Variants in SPIDR observed in about 807,000 individuals in gnomAD.
SPIDR encodes scaffold protein involved in DNA repair.
SPIDR carries 93 observed loss-of-function variants against 104.6 expected under a neutral mutation model. That is an observed-to-expected ratio of 0.89 (90% CI 0.75 to 1.06). The LOEUF (loss-of-function observed/expected upper bound fraction) is 1.06. Among genes scored for constraint, SPIDR ranks in the 50% least tolerant of loss-of-function variants. The pLI is 0.00. For synonymous variants in SPIDR, 431 were observed against 416.9 expected, an observed-to-expected ratio of 1.03 and a Z score of -0.41; for missense variants, 1,154 against 1,111.2, an observed-to-expected ratio of 1.04 and a Z score of -0.55.
chr8:47,565,994 T>TATATATATATATA (rs1358462620), intron 8 of SPIDR, among the ~76,000 whole-genome samples: 2 of 25,944 alleles, frequency 7.7e-5, no homozygotes, highest in Non-Finnish European at 1.8e-4. Flanking sequence ...ATATATATAT[T>TATATATATATATA]TTTTTTTTTT....
intron 5 of SPIDR, among the ~76,000 whole-genome samples, chr8:47,339,110 G>T (rs529388662): frequency 6.6e-6 from 1 of 152,084 alleles, no homozygotes; most frequent in African/African-American, 2.4e-5. Context: ...TAACATTTCC[G>T]TTTTAAATAT....
At chr8:47,310,471 C>G in intron 5 of SPIDR, among the ~76,000 whole-genome samples, 1 of 151,432 alleles carries the variant, frequency 6.6e-6, no homozygotes, top group East Asian at 1.9e-4. Flanking sequence ...ATAACAATGA[C>G]AACTTTTGGA....
intron 1 of SPIDR, among the ~76,000 whole-genome samples, chr8:47,268,965 G>A (rs1420502043): frequency 6.6e-6 from 1 of 151,934 alleles, no homozygotes; most frequent in East Asian, 1.9e-4. Flanking sequence ...CTAGGAGTTC[G>A]AGACCAGCCT....
At chr8:47,379,098 A>G (rs1395894670) in intron 5 of SPIDR, among the ~76,000 whole-genome samples, 3 of 152,056 alleles carry the variant, frequency 2.0e-5, no homozygotes, top group Non-Finnish European at 2.9e-5. Flanking sequence ...GCACCCTAGG[A>G]GTGGGGCCAG....
Position 47,511,828 on chromosome 8 carries a change from A to G in SPIDR, c.1097+71286A>G, listed in dbSNP as rs1216495571. 2.4e-5 allele frequency: 22 copies of G among 915,182 alleles called. No individual in the cohort carries two copies. In the East Asian group the frequency reaches 4.3e-4, roughly 18 times the overall value. 56.7% of individuals were successfully genotyped at this position (915,182 alleles called of 1,614,324 possible). On this transcript the variant is annotated intron_variant, in intron 8 of 19. Transcript: ENST00000297423. ...ACTTTTCTTTCTGGGAGGGCCAACA[A>G]TCTGCTGTCCACTTCTCTCTGAGGC...
chr8:47,602,448 G>C (rs754036195), intron 10 of SPIDR, among the ~76,000 whole-genome samples: 3 of 152,192 alleles, frequency 2.0e-5, no homozygotes, highest in Non-Finnish European at 2.9e-5. Context: ...CTTGATTACT[G>C]TGTGTTTTCT....
chr8:47,557,806 CTTTAA>C lies in SPIDR; in HGVS notation c.1098-38000_1098-37996del, dbSNP rs548883849. Among the ~76,000 whole-genome samples the C allele has an allele frequency of 2.2e-3, 330 of 152,126 alleles. 2 individuals are homozygous for C. Among genetic ancestry groups the C allele is most frequent in the African/African-American group, 7.6e-3 (314 of 41,480 alleles). On this transcript the variant is annotated intron_variant, in intron 8 of 19. Coordinates refer to ENST00000297423, the MANE Select transcript of SPIDR (RefSeq NM_001080394.4). The stretch of plus-strand genomic sequence containing the variant: ...GAGATACGCACAAGACTTTTGTGCT[CTTTAA>C]TTTATTTAAGGAAGACAGTTTTCTA...
chr8:47,362,980 C>A (rs781834238), intron 5 of SPIDR, among the ~76,000 whole-genome samples: 2 of 151,532 alleles, frequency 1.3e-5, no homozygotes, highest in Non-Finnish European at 2.9e-5. Flanking sequence ...CCAACATCGC[C>A]CATTAGACAA....
chr8:47,309,632 C>G (rs1247575903), intron 5 of SPIDR, among the ~76,000 whole-genome samples: 1 of 152,190 alleles, frequency 6.6e-6, no homozygotes, highest in Non-Finnish European at 1.5e-5. Context: ...CTTCATTCCC[C>G]TCTTTCTTCT....
intron 5 of SPIDR, among the ~76,000 whole-genome samples, chr8:47,346,939 G>A (rs1405365792): frequency 6.6e-6 from 1 of 151,854 alleles, no homozygotes; most frequent in Non-Finnish European, 1.5e-5. Flanking sequence ...GGGTTTTTTT[G>A]TGTCTCTGTC....
rs530068900 is a variant in SPIDR at position 47,430,521 on chromosome 8, T to C, written c.878-9802T>C. ...GCGCTGGACTCTGTCAGTTCATTAG[T>C]AAGCATATTTTCAACTCTCTGTGCT... On this transcript the variant is annotated intron_variant, in intron 7 of 19. Transcript: ENST00000297423. 1.2e-4 allele frequency among the ~76,000 whole-genome samples: 18 copies of C among 152,312 alleles called. No homozygotes were observed. The East Asian group carries it at 3.5e-3, about 29-fold the overall frequency.
chr8:47,446,401 ATT>A (rs2070619683), intron 8 of SPIDR, among the ~76,000 whole-genome samples: 1 of 152,094 alleles, frequency 6.6e-6, no homozygotes, highest in Non-Finnish European at 1.5e-5. Context: ...GAGAAAAAAA[ATT>A]TTCTTTTAAA....
At chr8:47,371,632 G>A (rs1323419310) in intron 5 of SPIDR, among the ~76,000 whole-genome samples, 2 of 152,126 alleles carry the variant, frequency 1.3e-5, no homozygotes, top group African/African-American at 4.8e-5. Context: ...TTTTGGATTA[G>A]ATTTCAACAT....
At chr8:47,380,097 C>T (rs1393179377) in intron 5 of SPIDR, among the ~76,000 whole-genome samples, 1 of 152,170 alleles carries the variant, frequency 6.6e-6, no homozygotes, top group African/African-American at 2.4e-5. Flanking sequence ...CATAAGTGAA[C>T]AGATTTATTT....
chr8:47,646,827 A>G (rs1393678846), intron 10 of SPIDR, among the ~76,000 whole-genome samples: 1 of 152,120 alleles, frequency 6.6e-6, no homozygotes, highest in Non-Finnish European at 1.5e-5. Flanking sequence ...TTTGAATTAT[A>G]TATATTACTC....
At chr8:47,263,449 A>C (rs113486870) in intron 1 of SPIDR, among the ~76,000 whole-genome samples, 47 of 151,332 alleles carry the variant, frequency 3.1e-4, no homozygotes, top group African/African-American at 1.1e-3. Flanking sequence ...CAGTGGCGCG[A>C]TCTCGGTACA....
chr8:47,337,025 A>G (rs1554609969), intron 5 of SPIDR, among the ~76,000 whole-genome samples: 1 of 152,136 alleles, frequency 6.6e-6, no homozygotes, highest in Non-Finnish European at 1.5e-5. Context: ...ATGGCTAAGG[A>G]TATTTTCATG....
At chr8:47,551,554 G>A (rs182983285) in intron 8 of SPIDR, among the ~76,000 whole-genome samples, 34 of 152,220 alleles carry the variant, frequency 2.2e-4, no homozygotes, top group Non-Finnish European at 3.8e-4. Context: ...TAGTTTATTT[G>A]TGTAGAGGTG....
intron 14 of SPIDR, among the ~76,000 whole-genome samples, chr8:47,705,765 A>G (rs532257871): frequency 1.3e-5 from 2 of 152,216 alleles, no homozygotes; most frequent in South Asian, 2.1e-4. Context: ...TTAGCCAGGC[A>G]TGGTGCTGCA....
Sources: allele counts gnomAD v4.1 joint callset (sites outside exome capture counted in the v4.1 genomes callset), GRCh38; gene constraint gnomAD v4.1.1; transcripts MANE v1.5; gene names NCBI Gene and HGNC (gene_info 2026-07-23, HGNC 2026-07-21).